Variants in MRPS27 observed in about 807,000 individuals in gnomAD.
MRPS27 encodes mitochondrial ribosomal protein S27, also known as small ribosomal subunit protein mS27.
MRPS27 carries 43 observed loss-of-function variants against 48.9 expected under a neutral mutation model. That is an observed-to-expected ratio of 0.88 (90% CI 0.69 to 1.13). The LOEUF (loss-of-function observed/expected upper bound fraction) is 1.13, where lower values mean the gene tolerates loss of function less well. Ranked by LOEUF, MRPS27 falls within the 50% of genes most tolerant of loss-of-function variation. The pLI is 0.00. For missense variants in MRPS27, 467 were observed against 476.3 expected (o/e 0.98, Z 0.18); for synonymous variants, 188 against 171.9 (o/e 1.09, Z -0.73).
chr5:72,272,123 G>A (rs910628336), intron 4 of MRPS27, among the ~76,000 whole-genome samples: 4 of 152,186 alleles, frequency 2.6e-5, no homozygotes, highest in Admixed American at 2.0e-4. Context: ...AGAAGTGAGG[G>A]TATAGATCAA....
chr5:72,295,810 T>C (rs1205420691), intron 3 of MRPS27, among the ~76,000 whole-genome samples: 2 of 152,218 alleles, frequency 1.3e-5, no homozygotes, highest in African/African-American at 4.8e-5. Context: ...TTTTTCTATG[T>C]GTAGAATAAC....
Position 72,295,511 on chromosome 5 carries a change from A to G in MRPS27, c.281+20T>C, listed in dbSNP as rs777958006. ...GTGTGAAATCACAGAGTACATAGCCAAATCAAATGGAAAACTTACTTGTAA... is the reference window on the plus strand; with the variant it reads ...GTGTGAAATCACAGAGTACATAGCCGAATCAAATGGAAAACTTACTTGTAA... On this transcript the variant is annotated intron_variant, in intron 4 of 10. Coordinates refer to ENST00000261413, the MANE Select transcript of MRPS27 (RefSeq NM_015084.3). 29 of 1,587,942 alleles carry G rather than the reference A, an allele frequency of 1.8e-5. No individual in the cohort carries two copies. Among genetic ancestry groups the G allele is most frequent in the Admixed American group, 1.7e-5 (1 of 59,738 alleles).
chr5:72,274,067 A>G (rs148642261), intron 4 of MRPS27, among the ~76,000 whole-genome samples: 2 of 152,270 alleles, frequency 1.3e-5, no homozygotes, highest in Admixed American at 1.3e-4. Context: ...AAAAACTAAG[A>G]CACAGGCCAG....
chr5:72,229,406 A>G, intron 7 of MRPS27: 1 of 132,054 alleles, frequency 7.6e-6, no homozygotes, highest in East Asian at 1.9e-4. Flanking sequence ...AAGACCTCAG[A>G]AGAAAAACAA....
At chr5:72,233,834 T>G (rs1173892635) in intron 6 of MRPS27, among the ~76,000 whole-genome samples, 1 of 152,182 alleles carries the variant, frequency 6.6e-6, no homozygotes, top group African/African-American at 2.4e-5. Flanking sequence ...TATCCTTTAT[T>G]TATATTCTGC....
chr5:72,228,205 C>T lies in MRPS27; in HGVS notation c.694+61G>A, dbSNP rs555811620. On this transcript the variant is annotated intron_variant, in intron 8 of 10. Transcript: ENST00000261413. The stretch of plus-strand genomic sequence containing the variant: ...AATCAAATTACAATTTTATTATGAA[C>T]TGGAAGAATGCAACAATTCTAACCA... 1,418 of 1,346,250 alleles carry T rather than the reference C, an allele frequency of 1.1e-3. 1 individual carries two copies. The highest frequency in any genetic ancestry group is 1.3e-3 in the Non-Finnish European group (1,229 of 947,428). The allele number at this position is 1,346,250 out of a possible 1,614,324, so 83.4% of individuals were successfully genotyped here. A position where few individuals can be genotyped will look rare whatever the true frequency, so the allele number is the denominator to read the frequency against.
intron 2 of MRPS27, among the ~76,000 whole-genome samples, chr5:72,301,800 T>C (rs1380447264): frequency 6.6e-6 from 1 of 152,202 alleles, no homozygotes. Context: ...CCTCACAGTA[T>C]AGCACTGCCG....
chr5:72,265,085 A>G (rs150703811), intron 4 of MRPS27, among the ~76,000 whole-genome samples: 185 of 152,344 alleles, frequency 1.2e-3, no homozygotes, highest in African/African-American at 4.2e-3. Context: ...AGTTGTAGCT[A>G]TTTATTTGTG....
chr5:72,311,706 C>G (rs1033740967), intron 2 of MRPS27, among the ~76,000 whole-genome samples: 2 of 152,208 alleles, frequency 1.3e-5, no homozygotes, highest in Non-Finnish European at 2.9e-5. Context: ...TCAACGCTGG[C>G]CTTCTCAGAC....
intron 2 of MRPS27, among the ~76,000 whole-genome samples, chr5:72,302,434 T>C (rs112229901): frequency 6.6e-6 from 1 of 152,240 alleles, no homozygotes; most frequent in Non-Finnish European, 1.5e-5. Flanking sequence ...CAGTTATGTT[T>C]GGGAGCAACC....
intron 2 of MRPS27, among the ~76,000 whole-genome samples, chr5:72,310,980 CAAGA>C (rs1424489080): frequency 6.6e-6 from 1 of 151,882 alleles, no homozygotes; most frequent in Non-Finnish European, 1.5e-5. Context: ...CAGAAAAATC[CAAGA>C]AAGAGGAATA....
chr5:72,251,537 G>A (rs1271653263), intron 4 of MRPS27, among the ~76,000 whole-genome samples: 1 of 152,156 alleles, frequency 6.6e-6, no homozygotes, highest in East Asian at 1.9e-4. Flanking sequence ...ATAATACAAT[G>A]GGGATTATAC....
chr5:72,295,022 A>G (rs1471483400), intron 4 of MRPS27, among the ~76,000 whole-genome samples: 1 of 152,064 alleles, frequency 6.6e-6, no homozygotes, highest in East Asian at 1.9e-4. Flanking sequence ...ATCTTAGATA[A>G]GAGATACTCA....
chr5:72,275,494 A>C (rs1749349425), intron 4 of MRPS27, among the ~76,000 whole-genome samples: 1 of 152,174 alleles, frequency 6.6e-6, no homozygotes. Context: ...CCATCAAACT[A>C]CCATTGACAT....
chr5:72,244,515 C>T (rs1487978967), intron 4 of MRPS27, among the ~76,000 whole-genome samples: 1 of 152,186 alleles, frequency 6.6e-6, no homozygotes, highest in Non-Finnish European at 1.5e-5. Context: ...CCACATTATT[C>T]TCTCTCCCTG....
chr5:72,284,043 AT>A (rs781448098), intron 4 of MRPS27, among the ~76,000 whole-genome samples: 15 of 152,178 alleles, frequency 9.9e-5, no homozygotes, highest in Non-Finnish European at 2.2e-4. Context: ...CCTGTTATAA[AT>A]CTTTCTGAAA....
chr5:72,296,236 GA>G (rs200647191), intron 3 of MRPS27, among the ~76,000 whole-genome samples: 1 of 149,150 alleles, frequency 6.7e-6, no homozygotes. Context: ...AGGCAAAAAA[GA>G]AAAAAAAAGC....
chr5:72,276,809 A>C (rs1423837891), intron 4 of MRPS27, among the ~76,000 whole-genome samples: 6 of 152,104 alleles, frequency 3.9e-5, no homozygotes, highest in African/African-American at 1.4e-4. Context: ...AGGCGGGTGG[A>C]TCACGAGGTC....
chr5:72,259,637 T>G (rs1748912812), intron 4 of MRPS27, among the ~76,000 whole-genome samples: 1 of 152,176 alleles, frequency 6.6e-6, no homozygotes, highest in Non-Finnish European at 1.5e-5. Context: ...ACTTGGATTC[T>G]CACCATCCAG....
Sources: allele counts gnomAD v4.1 joint callset (sites outside exome capture counted in the v4.1 genomes callset), GRCh38; gene constraint gnomAD v4.1.1; transcripts MANE v1.5; gene names NCBI Gene and HGNC (gene_info 2026-07-23, HGNC 2026-07-21).